Variants in TRMT9B observed in about 807,000 individuals in gnomAD.
TRMT9B encodes the protein tRNA methyltransferase 9B (putative).
Under a neutral mutation model 11.5 loss-of-function variants are expected in TRMT9B, and 16 were observed. The ratio of observed to expected loss-of-function variants is 1.39; its 90% confidence interval spans 0.94 to 2.11. The LOEUF (loss-of-function observed/expected upper bound fraction) is 2.11. TRMT9B is among the 30% of genes most tolerant of loss of function. TRMT9B has a pLI of 0.00. For synonymous variants in TRMT9B, 274 were observed against 192.4 expected, an observed-to-expected ratio of 1.42 and a Z score of -3.51; for missense variants, 941 against 553.8, an observed-to-expected ratio of 1.70 and a Z score of -7.02.
At chr8:12,996,238 A>G (rs1290440728) in intron 2 of TRMT9B, among the ~76,000 whole-genome samples, 4 of 152,206 alleles carry the variant, frequency 2.6e-5, no homozygotes, top group African/African-American at 9.6e-5. Context: ...GAGTAAAGCT[A>G]TTCAATGTGT....
chr8:13,011,013 ACT>A (rs1429832794), intron 3 of TRMT9B: 1 of 795,504 alleles, frequency 1.3e-6, no homozygotes, highest in East Asian at 1.2e-4. Flanking sequence ...ACAAAATCTA[ACT>A]CTGTCATCAC....
chr8:12,967,369 T>C (rs1802959484), intron 1 of TRMT9B, among the ~76,000 whole-genome samples: 1 of 152,216 alleles, frequency 6.6e-6, no homozygotes, highest in African/African-American at 2.4e-5. Context: ...AAAAATCCTT[T>C]TCTGAACTAC....
At chr8:12,965,315 A>G (rs779828792) in intron 1 of TRMT9B, among the ~76,000 whole-genome samples, 2 of 152,206 alleles carry the variant, frequency 1.3e-5, no homozygotes, top group Non-Finnish European at 2.9e-5. Flanking sequence ...TGAGGAGCTC[A>G]GTTGGAAAGA....
chr8:12,979,939 C>G (rs1165151561), intron 1 of TRMT9B, among the ~76,000 whole-genome samples: 2 of 152,104 alleles, frequency 1.3e-5, no homozygotes, highest in African/African-American at 4.8e-5. Flanking sequence ...ACAAGGGCCC[C>G]TTTTAGTGAG....
chr8:13,008,240 T>C (rs564442700), intron 3 of TRMT9B, among the ~76,000 whole-genome samples: 7 of 152,358 alleles, frequency 4.6e-5, no homozygotes, highest in African/African-American at 1.7e-4. Context: ...CTAACACATA[T>C]ATTTTGTCCA....
At chr8:13,000,356 C>T (rs1454846431) in intron 2 of TRMT9B, among the ~76,000 whole-genome samples, 2 of 152,172 alleles carry the variant, frequency 1.3e-5, no homozygotes, top group Non-Finnish European at 2.9e-5. Context: ...CAGGAATTGC[C>T]AATGTCCTTC....
chr8:13,003,783 C>T (rs1482844636), intron 2 of TRMT9B, among the ~76,000 whole-genome samples: 1 of 150,850 alleles, frequency 6.6e-6, no homozygotes, highest in Admixed American at 6.7e-5. Context: ...CACTCCGCCA[C>T]CCTCCCCACA....
At chr8:12,964,422 T>C (rs1212925741) in intron 1 of TRMT9B, among the ~76,000 whole-genome samples, 1 of 152,248 alleles carries the variant, frequency 6.6e-6, no homozygotes, top group Non-Finnish European at 1.5e-5. Flanking sequence ...TGCTTTGTCT[T>C]ATTTATTTTG....
chr8:13,017,279 A>G (rs1812901867), intron 4 of TRMT9B, among the ~76,000 whole-genome samples: 3 of 152,218 alleles, frequency 2.0e-5, no homozygotes. Context: ...TGAAATATCA[A>G]GATGTAACAA....
At chr8:12,963,197 G>T (rs1802366576) in intron 1 of TRMT9B, among the ~76,000 whole-genome samples, 1 of 152,156 alleles carries the variant, frequency 6.6e-6, no homozygotes, top group African/African-American at 2.4e-5. Flanking sequence ...ACTTTGGGAG[G>T]CCAAGGTGGG....
At chr8:12,993,847 G>A (rs1807841723) in intron 2 of TRMT9B, among the ~76,000 whole-genome samples, 1 of 152,222 alleles carries the variant, frequency 6.6e-6, no homozygotes, top group Admixed American at 6.5e-5. Context: ...GGCTATACAT[G>A]TCAAAATCAA....
rs1346084124 is a variant in TRMT9B at position 13,024,693 on chromosome 8, C to A, written c.*2649C>A. 6.0e-6 allele frequency: 1 copy of A among 167,010 alleles called. No individual in the cohort carries two copies. Among genetic ancestry groups the A allele is most frequent in the Non-Finnish European group, 1.5e-5 (1 of 68,118 alleles). The allele number at this position is 167,010 out of a possible 1,614,324, so 10.3% of individuals were successfully genotyped here. The stretch of plus-strand genomic sequence containing the variant: ...CTTTGTATGAAAGGGTTCTCTAGAA[C>A]GGTTCTTTGGAGAGAAATATTTTCA... On this transcript the variant is annotated 3_prime_UTR_variant, in exon 5 of 5. Transcript: ENST00000524591.
chr8:13,005,382 C>T (rs944113748), intron 2 of TRMT9B, among the ~76,000 whole-genome samples: 5 of 151,858 alleles, frequency 3.3e-5, no homozygotes, highest in Non-Finnish European at 7.4e-5. Context: ...AACAGGGTGA[C>T]TATAGTAAAA....
At chr8:13,012,176 C>T in intron 3 of TRMT9B, 2 of 985,372 alleles carry the variant, frequency 2.0e-6, no homozygotes, top group Non-Finnish European at 2.4e-6. Flanking sequence ...TTCCTATTGC[C>T]TTTCTCTCTT....
Position 12,959,056 on chromosome 8 carries a change from A to G in TRMT9B, c.-200+13090A>G, listed in dbSNP as rs541687442. On this transcript the variant is annotated intron_variant, in intron 1 of 4. Coordinates refer to ENST00000524591, the MANE Select transcript of TRMT9B (RefSeq NM_020844.3). ...ATGTATACCTATGTAACAAACCTGC[A>G]TGTTGTGCACATGTACCCTAGAACT... Among the ~76,000 whole-genome samples the G allele has an allele frequency of 5.3e-5, 8 of 152,278 alleles. No individual in the cohort carries two copies. In the East Asian group the frequency reaches 1.4e-3, roughly 26 times the overall value.
At chr8:12,973,366 C>T (rs946709871) in intron 1 of TRMT9B, among the ~76,000 whole-genome samples, 1 of 152,110 alleles carries the variant, frequency 6.6e-6, no homozygotes, top group Non-Finnish European at 1.5e-5. Flanking sequence ...GTGACAGGGG[C>T]TTCAGGAGGA....
At chr8:13,010,787 G>T (rs1029769633) in intron 3 of TRMT9B, 17 of 981,986 alleles carry the variant, frequency 1.7e-5, no homozygotes, top group Admixed American at 6.2e-5. Context: ...CTTAAAATAG[G>T]ACCATCGTCT....
chr8:13,015,891 T>C (rs1449322570), intron 4 of TRMT9B, among the ~76,000 whole-genome samples: 1 of 152,096 alleles, frequency 6.6e-6, no homozygotes, highest in African/African-American at 2.4e-5. Flanking sequence ...CGCGTTTTTA[T>C]GATCTGTAAC....
At chr8:12,951,784 A>G (rs929676513) in intron 1 of TRMT9B, 1 of 151,764 alleles carries the variant, frequency 6.6e-6, no homozygotes, top group Non-Finnish European at 1.5e-5. Flanking sequence ...AAAGCCCCCG[A>G]TCCCCGGTAG....
Sources: allele counts gnomAD v4.1 joint callset (sites outside exome capture counted in the v4.1 genomes callset), GRCh38; gene constraint gnomAD v4.1.1; transcripts MANE v1.5; gene names NCBI Gene and HGNC (gene_info 2026-07-23, HGNC 2026-07-21).